NRXN3: variants seen among roughly 807,000 people sequenced by gnomAD.
NRXN3 encodes neurexin 3.
In NRXN3, 32 loss-of-function variants were observed where a neutral mutation model predicts 137.6. The ratio of observed to expected loss-of-function variants is 0.23; its 90% CI spans 0.18 to 0.31. NRXN3 has a LOEUF of 0.31. NRXN3 is among the 10% of genes least tolerant of loss of function. The pLI is 1.00. For synonymous variants in NRXN3, 798 were observed against 784.5 expected (o/e 1.02, Z -0.29); for missense variants, 1,574 against 2,062.5 (o/e 0.76, Z 4.59).
intron 15 of NRXN3, among the ~76,000 whole-genome samples, chr14:79,238,787 T>C (rs1285285301): frequency 6.6e-6 from 1 of 152,086 alleles, no homozygotes; most frequent in African/African-American, 2.4e-5. Flanking sequence ...TTCCATTATT[T>C]ATGTGTAATT....
At chr14:78,682,653 C>T (rs550885118) in intron 6 of NRXN3, among the ~76,000 whole-genome samples, 1 of 151,894 alleles carries the variant, frequency 6.6e-6, no homozygotes, top group East Asian at 2.0e-4. Flanking sequence ...TAATTCAGTC[C>T]TCGCAGTAAC....
At chr14:78,990,773 G>A (rs2099517184) in intron 15 of NRXN3, among the ~76,000 whole-genome samples, 1 of 152,136 alleles carries the variant, frequency 6.6e-6, no homozygotes, top group Non-Finnish European at 1.5e-5. Flanking sequence ...ATGGTAGATT[G>A]TTTAAAATTA....
At chr14:78,276,527 G>A (rs1009264751) in intron 2 of NRXN3, among the ~76,000 whole-genome samples, 2 of 152,180 alleles carry the variant, frequency 1.3e-5, no homozygotes, top group Admixed American at 6.5e-5. Flanking sequence ...TGCTTTACAA[G>A]CATTTAATCT....
intron 10 of NRXN3, among the ~76,000 whole-genome samples, chr14:78,951,387 A>C (rs576332166): frequency 1.3e-5 from 2 of 152,146 alleles, no homozygotes; most frequent in African/African-American, 2.4e-5. Context: ...TCCTAAATGC[A>C]CCTTCTCAGA....
intron 20 of NRXN3, among the ~76,000 whole-genome samples, chr14:79,812,344 C>T (rs1018772222): frequency 6.6e-6 from 1 of 152,018 alleles, no homozygotes; most frequent in African/African-American, 2.4e-5. Context: ...TCAGAAATAT[C>T]GCTTCCAGAA....
chr14:79,773,232 G>A (rs1245259302), intron 19 of NRXN3, among the ~76,000 whole-genome samples: 3 of 152,120 alleles, frequency 2.0e-5, no homozygotes, highest in African/African-American at 7.2e-5. Context: ...ATTCCTCAGG[G>A]ATCAAGAACT....
intron 1 of NRXN3, among the ~76,000 whole-genome samples, chr14:78,195,641 G>A (rs2061162039): frequency 6.6e-6 from 1 of 152,206 alleles, no homozygotes; most frequent in Non-Finnish European, 1.5e-5. Context: ...GAAGAGCTGA[G>A]GAGAGCAACT....
intron 17 of NRXN3, among the ~76,000 whole-genome samples, chr14:79,688,037 T>C (rs1271219848): frequency 6.6e-6 from 1 of 152,106 alleles, no homozygotes; most frequent in Non-Finnish European, 1.5e-5. Flanking sequence ...AAATAGAATA[T>C]GGTCATCTTT....
At chr14:78,532,641 G>T (rs1010165836) in intron 4 of NRXN3, among the ~76,000 whole-genome samples, 20 of 151,756 alleles carry the variant, frequency 1.3e-4, no homozygotes, top group African/African-American at 3.6e-4. Flanking sequence ...CATTCTGTCA[G>T]CTTAGAATCA....
intron 2 of NRXN3, among the ~76,000 whole-genome samples, chr14:78,253,608 A>G (rs2068999850): frequency 6.6e-6 from 1 of 152,060 alleles, no homozygotes; most frequent in African/African-American, 2.4e-5. Context: ...CCAGGAGATA[A>G]AGGCTGCAGT....
chr14:79,327,405 G>A (rs966419813), intron 15 of NRXN3, among the ~76,000 whole-genome samples: 3 of 152,170 alleles, frequency 2.0e-5, no homozygotes, highest in African/African-American at 4.8e-5. Flanking sequence ...TCCCTTTTAA[G>A]AACTTGTCCT....
chr14:79,317,222 G>A (rs924255046), intron 15 of NRXN3, among the ~76,000 whole-genome samples: 2 of 151,910 alleles, frequency 1.3e-5, no homozygotes, highest in African/African-American at 2.4e-5. Context: ...ACAAGAGCGA[G>A]GCTACTTCTC....
intron 15 of NRXN3, among the ~76,000 whole-genome samples, chr14:79,223,191 G>C (rs1046914276): frequency 2.6e-5 from 4 of 152,134 alleles, no homozygotes; most frequent in African/African-American, 9.7e-5. Flanking sequence ...CCAAAAGTTA[G>C]AGCCAGAAGA....
chr14:79,133,033 C>A (rs558109531), intron 15 of NRXN3, among the ~76,000 whole-genome samples: 1 of 152,204 alleles, frequency 6.6e-6, no homozygotes, highest in Admixed American at 6.5e-5. Context: ...ACCCTGAAGG[C>A]GCTGGCAGCT....
intron 16 of NRXN3, among the ~76,000 whole-genome samples, chr14:79,531,161 G>A (rs2097166446): frequency 6.6e-6 from 1 of 152,134 alleles, no homozygotes; most frequent in South Asian, 2.1e-4. Flanking sequence ...TTTGAAGTAG[G>A]AAAGTCCCAT....
At chr14:78,537,971 A>G (rs1475994048) in intron 4 of NRXN3, among the ~76,000 whole-genome samples, 1 of 152,162 alleles carries the variant, frequency 6.6e-6, no homozygotes, top group Non-Finnish European at 1.5e-5. Context: ...TGGTCTGTAT[A>G]TCTGTTTTGG....
intron 15 of NRXN3, chr14:79,247,396 T>C (rs1568770279): frequency 6.6e-6 from 1 of 152,176 alleles, no homozygotes; most frequent in Non-Finnish European, 1.5e-5. Flanking sequence ...TGCATTGCCA[T>C]ACTAACAGGC....
At chr14:78,194,402 C>T (rs548549329) in intron 1 of NRXN3, among the ~76,000 whole-genome samples, 2 of 152,300 alleles carry the variant, frequency 1.3e-5, no homozygotes, top group Admixed American at 6.5e-5. Flanking sequence ...GCTCTGAGAG[C>T]CACCTGTGTG....
intron 4 of NRXN3, among the ~76,000 whole-genome samples, chr14:78,529,177 G>A (rs1458589944): frequency 1.3e-5 from 2 of 152,174 alleles, no homozygotes; most frequent in African/African-American, 2.4e-5. Flanking sequence ...TCCTTAAACT[G>A]TACAAGTCAG....
Sources: gnomAD v4.1 joint callset for allele counts (sites outside exome capture counted in the v4.1 genomes callset) on GRCh38, gnomAD v4.1.1 for gene constraint, MANE v1.5 for transcripts, NCBI Gene and HGNC (gene_info 2026-07-23, HGNC 2026-07-21) for gene names.